Variants in CDH18 observed in about 807,000 individuals in gnomAD.
CDH18 encodes cadherin-18.
Under a neutral mutation model 67.9 loss-of-function variants are expected in CDH18, and 31 were observed. The ratio of observed to expected loss-of-function variants is 0.46; its 90% confidence interval spans 0.34 to 0.62. The LOEUF (loss-of-function observed/expected upper bound fraction) is 0.62. Among genes scored for constraint, CDH18 ranks in the 20% least tolerant of loss-of-function variants. The pLI, the probability that CDH18 is intolerant of heterozygous loss-of-function variation, is 0.01. For synonymous variants in CDH18, 362 were observed against 347.2 expected, an observed-to-expected ratio of 1.04 and a Z score of -0.48; for missense variants, 890 against 975.5, an observed-to-expected ratio of 0.91 and a Z score of 1.17.
chr5:20,187,210 T>C (rs1428770974), intron 2 of CDH18, among the ~76,000 whole-genome samples: 1 of 151,756 alleles, frequency 6.6e-6, no homozygotes, highest in Non-Finnish European at 1.5e-5. Context: ...GTGATGGAGA[T>C]TGGTGATAGC....
chr5:19,854,300 C>T (rs577778196), intron 2 of CDH18, among the ~76,000 whole-genome samples: 4 of 152,156 alleles, frequency 2.6e-5, no homozygotes, highest in South Asian at 2.1e-4. Context: ...AACCCTTACA[C>T]GGGGCTTATA....
intron 3 of CDH18, among the ~76,000 whole-genome samples, chr5:19,794,074 G>A: frequency 6.6e-6 from 1 of 151,980 alleles, no homozygotes; most frequent in East Asian, 1.9e-4. Flanking sequence ...AAATTATCAA[G>A]ATTCAACTAC....
intron 3 of CDH18, among the ~76,000 whole-genome samples, chr5:19,785,015 C>A (rs1200471930): frequency 1.3e-5 from 2 of 152,088 alleles, no homozygotes; most frequent in Non-Finnish European, 2.9e-5. Flanking sequence ...AGTCCTGGAG[C>A]CTGGAGATGT....
chr5:20,138,329 C>T (rs1749924950), intron 2 of CDH18, among the ~76,000 whole-genome samples: 1 of 152,106 alleles, frequency 6.6e-6, no homozygotes, highest in Admixed American at 6.6e-5. Context: ...ATAATAAGAG[C>T]TGTTTATGAC....
intron 2 of CDH18, among the ~76,000 whole-genome samples, chr5:19,859,685 A>C (rs1192400738): frequency 6.6e-6 from 1 of 152,172 alleles, no homozygotes; most frequent in East Asian, 1.9e-4. Context: ...AAATCTGCTT[A>C]GGACCAGGAA....
chr5:19,896,005 G>T (rs754523209), intron 2 of CDH18, among the ~76,000 whole-genome samples: 1 of 72,188 alleles, frequency 1.4e-5, no homozygotes, highest in African/African-American at 3.4e-5. Flanking sequence ...AACCTGTGTC[G>T]CATTATTTGG....
At chr5:19,845,755 C>T (rs1295108146) in intron 2 of CDH18, among the ~76,000 whole-genome samples, 11 of 150,872 alleles carry the variant, frequency 7.3e-5, no homozygotes, top group Admixed American at 2.0e-4. Context: ...TTATATAATG[C>T]CCTTATTTGT....
intron 1 of CDH18, among the ~76,000 whole-genome samples, chr5:20,333,214 A>G (rs1739346228): frequency 6.6e-6 from 1 of 152,008 alleles, no homozygotes; most frequent in Non-Finnish European, 1.5e-5. Context: ...TGGGATCAAA[A>G]TATTTTTCAT....
At chr5:20,435,227 T>G (rs184372868) in intron 1 of CDH18, among the ~76,000 whole-genome samples, 2 of 152,126 alleles carry the variant, frequency 1.3e-5, no homozygotes, top group East Asian at 3.9e-4. Flanking sequence ...GTGTCAACAT[T>G]TATTGACATG....
chr5:20,525,446 G>A (rs1473654346), intron 1 of CDH18, among the ~76,000 whole-genome samples: 1 of 152,056 alleles, frequency 6.6e-6, no homozygotes, highest in East Asian at 1.9e-4. Flanking sequence ...GGAAATCAGA[G>A]GGGGCAGATG....
intron 2 of CDH18, among the ~76,000 whole-genome samples, chr5:20,117,993 G>T (rs931784754): frequency 6.6e-6 from 1 of 152,178 alleles, no homozygotes; most frequent in Non-Finnish European, 1.5e-5. Context: ...TGTGTGGGGG[G>T]AGAGTATGTT....
intron 1 of CDH18, among the ~76,000 whole-genome samples, chr5:20,495,616 G>T (rs959272275): frequency 4.6e-5 from 7 of 152,066 alleles, no homozygotes; most frequent in African/African-American, 1.7e-4. Flanking sequence ...ACAGGAAGCG[G>T]AAATGTCACA....
intron 2 of CDH18, among the ~76,000 whole-genome samples, chr5:19,894,047 T>C (rs1263119193): frequency 6.6e-6 from 1 of 152,132 alleles, no homozygotes; most frequent in African/African-American, 2.4e-5. Flanking sequence ...AAATAGACTG[T>C]ACTGATTGAA....
intron 2 of CDH18, among the ~76,000 whole-genome samples, chr5:19,979,267 G>T (rs1213041688): frequency 6.6e-6 from 1 of 151,112 alleles, no homozygotes; most frequent in Non-Finnish European, 1.5e-5. Flanking sequence ...GTGTGTCTTG[G>T]GATAGTTGTA....
chr5:20,465,761 G>A (rs988754081), intron 1 of CDH18, among the ~76,000 whole-genome samples: 1 of 151,964 alleles, frequency 6.6e-6, no homozygotes, highest in East Asian at 1.9e-4. Flanking sequence ...GAAACTATAA[G>A]GTTTGTAATA....
At chr5:19,725,136 C>A (rs1766653939) in intron 4 of CDH18, among the ~76,000 whole-genome samples, 1 of 152,024 alleles carries the variant, frequency 6.6e-6, no homozygotes, top group South Asian at 2.1e-4. Flanking sequence ...CCATGTTAGC[C>A]AGGATAGTCT....
chr5:20,404,900 G>A (rs1746095597), intron 1 of CDH18, among the ~76,000 whole-genome samples: 1 of 152,038 alleles, frequency 6.6e-6, no homozygotes, highest in Non-Finnish European at 1.5e-5. Context: ...GCACCCACTG[G>A]CACAAACCTA....
At chr5:20,519,900 G>T (rs540689969) in intron 1 of CDH18, among the ~76,000 whole-genome samples, 81 of 121,638 alleles carry the variant, frequency 6.7e-4, no homozygotes, top group African/African-American at 2.4e-3. Context: ...TTTGGACAGG[G>T]TTTTCCTCTG....
chr5:19,751,254 C>A (rs910290981), intron 3 of CDH18, among the ~76,000 whole-genome samples: 1 of 152,080 alleles, frequency 6.6e-6, no homozygotes, highest in Admixed American at 6.5e-5. Flanking sequence ...TATTCTATTC[C>A]TTGGGGAAGA....
Sources: allele counts gnomAD v4.1 joint callset (sites outside exome capture counted in the v4.1 genomes callset), GRCh38; gene constraint gnomAD v4.1.1; transcripts MANE v1.5; gene names NCBI Gene and HGNC (gene_info 2026-07-23, HGNC 2026-07-21).